The following PGPEP1 variants were observed in gnomAD, a reference collection of about 807,000 sequenced individuals.
PGPEP1 encodes pyroglutamyl-peptidase I.
In PGPEP1, 15 loss-of-function variants were observed where a neutral mutation model predicts 24.1. That is an observed-to-expected ratio of 0.62 (90% confidence interval 0.42 to 0.96). PGPEP1 has a LOEUF of 0.96. PGPEP1 is among the 40% of genes least tolerant of loss of function. The pLI, the probability that PGPEP1 is intolerant of heterozygous loss-of-function variation, is 0.00. For missense variants in PGPEP1, 242 were observed against 273.4 expected (o/e 0.89, Z 0.81); for synonymous variants, 122 against 116.4 (o/e 1.05, Z -0.31).
rs575665469 is a variant in PGPEP1 at position 18,351,109 on chromosome 19, TA to T, written c.88-4781del. Among the ~76,000 whole-genome samples the T allele has an allele frequency of 2.9e-3, 440 of 152,036 alleles. 2 individuals carry two copies. The highest frequency in any genetic ancestry group is 0.01 in the African/African-American group (415 of 41,466). On this transcript the variant is annotated intron_variant, in intron 2 of 4. Coordinates refer to ENST00000269919, the MANE Select transcript of PGPEP1 (RefSeq NM_017712.4). Reference sequence around the variant, plus strand: ...CAACATGGTGAAACCCCGTCTCTACTAAAAATACAAAAATAAGCGGGGCATG... The same window carrying T: ...CAACATGGTGAAACCCCGTCTCTACTAAAATACAAAAATAAGCGGGGCATG...
At chr19:18,346,944 C>T (rs1357542212) in intron 2 of PGPEP1, among the ~76,000 whole-genome samples, 3 of 151,758 alleles carry the variant, frequency 2.0e-5, no homozygotes, top group African/African-American at 7.3e-5. Flanking sequence ...CCGGCTGTTT[C>T]TCTCTCTTGT....
chr19:18,363,361 C>A (rs530200583), intron 4 of PGPEP1, 30 bp from the exon 5 acceptor site: 45 of 1,584,410 alleles, frequency 2.8e-5, no homozygotes, highest in Non-Finnish European at 3.5e-5. Flanking sequence ...GTTTTGGTCT[C>A]TCTCTTACCC....
intron 4 of PGPEP1, chr19:18,361,925 C>G: frequency 1.0e-6 from 1 of 971,160 alleles, no homozygotes; most frequent in Non-Finnish European, 1.2e-6. Context: ...TCTGGCTGTA[C>G]CACATTCCTT....
chr19:18,343,691 T>TC (rs1392513282), intron 2 of PGPEP1, among the ~76,000 whole-genome samples: 1 of 149,634 alleles, frequency 6.7e-6, no homozygotes, highest in African/African-American at 2.5e-5. Flanking sequence ...TTTTTTTTTT[T>TC]TTTTTTTTTT....
At chr19:18,362,210 C>G (rs1196120926) in intron 4 of PGPEP1, among the ~76,000 whole-genome samples, 1 of 151,518 alleles carries the variant, frequency 6.6e-6, no homozygotes, top group African/African-American at 2.4e-5. Context: ...CGTTCCAGAC[C>G]TGCCTAGCCA....
intron 2 of PGPEP1, among the ~76,000 whole-genome samples, chr19:18,354,094 G>T (rs894968781): frequency 1.3e-5 from 2 of 152,072 alleles, no homozygotes; most frequent in Non-Finnish European, 2.9e-5. Flanking sequence ...AATTAGCTGG[G>T]CGTGATCCCG....
intron 1 of PGPEP1, 145 bp downstream of exon 1, chr19:18,340,860 C>T: frequency 5.1e-6 from 3 of 590,632 alleles, no homozygotes; most frequent in East Asian, 3.5e-5. Flanking sequence ...CCGCGCAGCC[C>T]AGGCTTCCTG....
chr19:18,369,521 G>C lies in PGPEP1; in HGVS notation c.*5938G>C, dbSNP rs1374191847. On this transcript the variant is annotated 3_prime_UTR_variant, in exon 5 of 5. Transcript: ENST00000269919. ...TTTGTCTCAAGGAGATTCCACATAGGGATTTGAATTAGGCTTTCTGCTTGC... is the reference window on the plus strand; with the variant it reads ...TTTGTCTCAAGGAGATTCCACATAGCGATTTGAATTAGGCTTTCTGCTTGC... 2 of 152,202 alleles carry C rather than the reference G, an allele frequency of 1.3e-5. No homozygotes were observed. The highest frequency in any genetic ancestry group is 6.6e-5 in the Admixed American group (1 of 15,254). The allele number at this position is 152,202 out of a possible 1,614,324, so 9.4% of individuals were successfully genotyped here.
At chr19:18,349,276 G>A (rs140605140) in intron 2 of PGPEP1, among the ~76,000 whole-genome samples, 44 of 152,196 alleles carry the variant, frequency 2.9e-4, no homozygotes, top group Non-Finnish European at 4.9e-4. Flanking sequence ...CCACCTCCCG[G>A]GTTCAAGTGA....
Position 18,357,511 on chromosome 19 carries a change from C to T in PGPEP1, c.333C>T (p.Asp111=), listed in dbSNP as rs756829466. The T allele has an allele frequency of 3.5e-5, 57 of 1,613,320 alleles. No homozygotes were observed. The highest frequency in any genetic ancestry group is 1.6e-4 in the Middle Eastern group (1 of 6,084). The change falls in exon 4 of 5, where the codon GAC becomes GAT. Residue 111 remains aspartate, a synonymous_variant. Coordinates refer to ENST00000269919, the MANE Select transcript of PGPEP1 (RefSeq NM_017712.4). ...FCPGSQCCVE[D]GPESIDSIID... Reference sequence around the variant, plus strand: ...CCGGCTCCCAGTGCTGCGTGGAGGACGGGCCTGAAAGCATTGACTCCATCA... The same window carrying T: ...CCGGCTCCCAGTGCTGCGTGGAGGATGGGCCTGAAAGCATTGACTCCATCA...
intron 4 of PGPEP1, among the ~76,000 whole-genome samples, chr19:18,359,951 A>C (rs1232453994): frequency 2.0e-5 from 3 of 152,194 alleles, no homozygotes. Context: ...ACTCAAAGGC[A>C]GCTATTGGTC....
intron 4 of PGPEP1, among the ~76,000 whole-genome samples, chr19:18,362,737 A>AG (rs1372547774): frequency 6.6e-6 from 1 of 151,474 alleles, no homozygotes; most frequent in East Asian, 1.9e-4. Flanking sequence ...AAAAAAAAAA[A>AG]AAAAAAAAGC....
chr19:18,345,857 G>A (rs1294336420), intron 2 of PGPEP1, among the ~76,000 whole-genome samples: 3 of 151,838 alleles, frequency 2.0e-5, no homozygotes, highest in Admixed American at 6.6e-5. Flanking sequence ...TGACCAATAT[G>A]GTGAAACCCT....
At chr19:18,350,522 G>T (rs1182723386) in intron 2 of PGPEP1, among the ~76,000 whole-genome samples, 2 of 152,212 alleles carry the variant, frequency 1.3e-5, no homozygotes, top group Non-Finnish European at 2.9e-5. Flanking sequence ...CCCCTACTTG[G>T]CATTTATGCC....
intron 4 of PGPEP1, among the ~76,000 whole-genome samples, chr19:18,361,159 A>G (rs1830013850): frequency 6.6e-6 from 1 of 151,106 alleles, no homozygotes; most frequent in African/African-American, 2.4e-5. Context: ...TTTTAAAGAC[A>G]AGAGTTTCGC....
chr19:18,343,031 AC>A, intron 2 of PGPEP1, 120 bp downstream of exon 2: 3 of 706,732 alleles, frequency 4.2e-6, no homozygotes, highest in Non-Finnish European at 7.4e-6. Context: ...ACGAAATCTT[AC>A]TCTGTCACCC....
chr19:18,340,600 C>T lies in PGPEP1; in HGVS notation c.-82C>T. 7.4e-7 allele frequency: 1 copy of T among 1,355,976 alleles called. No homozygotes were observed. Among genetic ancestry groups the T allele is most frequent in the African/African-American group, 1.5e-5 (1 of 66,028 alleles). The allele number at this position is 1,355,976 out of a possible 1,614,324, so 84.0% of individuals were successfully genotyped here. On this transcript the variant is annotated 5_prime_UTR_variant, in exon 1 of 5. Transcript: ENST00000269919. The stretch of plus-strand genomic sequence containing the variant: ...CGGGGGCTTGACAGGGGCGTGGCCT[C>T]GCGCGGCCGAGAGGCTGCAGCGGCA...
At chr19:18,347,635 CTTTT>C (rs1286507690) in intron 2 of PGPEP1, among the ~76,000 whole-genome samples, 2 of 135,972 alleles carry the variant, frequency 1.5e-5, no homozygotes, top group Non-Finnish European at 1.6e-5. Context: ...TCTGTCTCTC[CTTTT>C]TTTTTTTTTT....
chr19:18,363,535 C>T lies in PGPEP1; in HGVS notation c.582C>T (p.Asp194=). 2 of 1,614,078 alleles carry T rather than the reference C, an allele frequency of 1.2e-6. No individual in the cohort carries two copies. Among genetic ancestry groups the T allele is most frequent in the Non-Finnish European group, 1.7e-6 (2 of 1,180,002 alleles). ...GAGCCATCATTGAGGAGATGTTGGA[C>T]CTCCTGGAGCAGTCAGAGGGCAAAA... ...ALRAIIEEML[D]LLEQSEGKIN... The change falls in exon 5 of 5, where the codon GAC becomes GAT. Residue 194 remains aspartate (D), a synonymous_variant. Coordinates refer to ENST00000269919, the MANE Select transcript of PGPEP1 (RefSeq NM_017712.4).
Sources: allele counts gnomAD v4.1 joint callset (sites outside exome capture counted in the v4.1 genomes callset), GRCh38; gene constraint gnomAD v4.1.1; transcripts MANE v1.5; gene names NCBI Gene and HGNC (gene_info 2026-07-23, HGNC 2026-07-21).